The following ANKRD6 variants were observed in gnomAD, a reference collection of about 807,000 sequenced individuals.
The protein encoded by ANKRD6 is ankyrin repeat domain 6.
In ANKRD6, 56 loss-of-function variants were observed where a neutral mutation model predicts 82.3. That is an observed-to-expected ratio of 0.68 (90% CI 0.55 to 0.85). The LOEUF is 0.85. Among genes scored for constraint, ANKRD6 ranks in the 40% least tolerant of loss-of-function variants. ANKRD6 has a pLI of 0.00. For synonymous variants in ANKRD6, 347 were observed against 352.1 expected (o/e 0.99, Z 0.16); for missense variants, 852 against 907.6 (o/e 0.94, Z 0.79).
intron 1 of ANKRD6, among the ~76,000 whole-genome samples, chr6:89,539,166 G>A (rs950848310): frequency 6.6e-6 from 1 of 152,062 alleles, no homozygotes; most frequent in African/African-American, 2.4e-5. Flanking sequence ...AATTTAAGGT[G>A]AATTATGAAA....
intron 1 of ANKRD6, among the ~76,000 whole-genome samples, chr6:89,436,600 A>C (rs972285587): frequency 7.2e-5 from 11 of 152,234 alleles, no homozygotes; most frequent in Non-Finnish European, 8.8e-5. Flanking sequence ...TGTTTATATT[A>C]GGTACCTAGA....
At chr6:89,473,596 T>C (rs1374075259) in intron 1 of ANKRD6, among the ~76,000 whole-genome samples, 1 of 152,198 alleles carries the variant, frequency 6.6e-6, no homozygotes, top group Non-Finnish European at 1.5e-5. Flanking sequence ...TGTAAAGTAA[T>C]GTCTTATGTT....
At chr6:89,508,829 C>T (rs552634481) in intron 1 of ANKRD6, 1 of 152,274 alleles carries the variant, frequency 6.6e-6, no homozygotes, top group African/African-American at 2.4e-5. Context: ...AATTTGTATT[C>T]CTGTTCCTGA....
In ANKRD6 at chr6:89,629,301, C is replaced by G. The variant is rs753949917; in HGVS notation, c.1612+63C>G. The G allele has an allele frequency of 2.5e-6, 4 of 1,604,696 alleles. No homozygotes were observed. The South Asian group carries it at 4.4e-5, about 18-fold the overall frequency. ...ACACGACCAGCAGCTCTTGTACTCT[C>G]CTGCACTGAAAGGCAGTACGTATGC... On this transcript the variant is annotated intron_variant, in intron 15 of 15. Coordinates refer to ENST00000339746, the MANE Select transcript of ANKRD6 (RefSeq NM_001242809.2).
At chr6:89,574,943 C>CA in intron 2 of ANKRD6, among the ~76,000 whole-genome samples, 1 of 152,028 alleles carries the variant, frequency 6.6e-6, no homozygotes, top group Non-Finnish European at 1.5e-5. Flanking sequence ...AATGAGGACC[C>CA]AAAAATGCAG....
intron 2 of ANKRD6, among the ~76,000 whole-genome samples, chr6:89,584,282 A>G (rs1167902946): frequency 6.6e-6 from 1 of 152,214 alleles, no homozygotes; most frequent in Non-Finnish European, 1.5e-5. Context: ...GTGCTGTAAA[A>G]TGAAGAAGCC....
At chr6:89,513,321 C>T (rs549444084) in intron 1 of ANKRD6, among the ~76,000 whole-genome samples, 11 of 152,262 alleles carry the variant, frequency 7.2e-5, no homozygotes, top group African/African-American at 2.6e-4. Context: ...ACGTAACTAC[C>T]ACCCAAATCA....
chr6:89,537,896 A>AAAAAAAAAAAAAAAG, intron 1 of ANKRD6, among the ~76,000 whole-genome samples: 1 of 133,142 alleles, frequency 7.5e-6, no homozygotes, highest in African/African-American at 2.8e-5. Context: ...AAAAAAAAAA[A>AAAAAAAAAAAAAAAG]AAAAGAAAAG....
At chr6:89,464,877 A>G (rs1774645889) in intron 1 of ANKRD6, among the ~76,000 whole-genome samples, 1 of 152,156 alleles carries the variant, frequency 6.6e-6, no homozygotes, top group Non-Finnish European at 1.5e-5. Context: ...AGATTTCAAT[A>G]ATGCTATTTG....
intron 1 of ANKRD6, among the ~76,000 whole-genome samples, chr6:89,556,000 C>G (rs564378989): frequency 1.3e-5 from 2 of 152,258 alleles, no homozygotes; most frequent in East Asian, 3.9e-4. Context: ...GTCCCACTAG[C>G]CCCCTGTATG....
chr6:89,519,772 T>G (rs1781674413), intron 1 of ANKRD6, among the ~76,000 whole-genome samples: 1 of 152,248 alleles, frequency 6.6e-6, no homozygotes, highest in Non-Finnish European at 1.5e-5. Context: ...CTACACTGTT[T>G]CTTTACATGA....
intron 2 of ANKRD6, among the ~76,000 whole-genome samples, chr6:89,593,954 A>G (rs145011049): frequency 1.6e-4 from 24 of 152,362 alleles, no homozygotes; most frequent in Admixed American, 1.5e-3. Flanking sequence ...GGTCTTCTCT[A>G]TGACCCAGCA....
chr6:89,612,285 C>T lies in ANKRD6; in HGVS notation c.431C>T (p.Ala144Val). The stretch of plus-strand genomic sequence containing the variant: ...CCTCTCTCCAAGGCGGGGAACACAG[C>T]TCTGCACCTGGCCTGCCAGAACAGC... ...VLAKNKAGNT[A>V]LHLACQNSHS... Residue 144 changes from alanine (A) to valine (V), a missense_variant, in exon 6 of 16, where the codon GCT (alanine) becomes GTT (valine). Physicochemically the swap from Ala to Val is moderately conservative, Grantham distance 64. Coordinates refer to ENST00000339746, the MANE Select transcript of ANKRD6 (RefSeq NM_001242809.2). 6.4e-7 allele frequency: 1 copy of T among 1,559,142 alleles called. No homozygotes were observed. Among genetic ancestry groups the T allele is most frequent in the African/African-American group, 1.4e-5 (1 of 73,586 alleles).
At chr6:89,564,134 A>T (rs2128059123) in intron 1 of ANKRD6, among the ~76,000 whole-genome samples, 1 of 152,292 alleles carries the variant, frequency 6.6e-6, no homozygotes, top group South Asian at 2.1e-4. Flanking sequence ...TTGGCAACAG[A>T]CTAGGAATTG....
chr6:89,445,360 T>A (rs1771943486), intron 1 of ANKRD6, among the ~76,000 whole-genome samples: 1 of 136,716 alleles, frequency 7.3e-6, no homozygotes, highest in African/African-American at 2.7e-5. Context: ...AACCTCCACC[T>A]CCCAGGTTCA....
intron 2 of ANKRD6, among the ~76,000 whole-genome samples, chr6:89,582,934 A>G (rs1792896858): frequency 1.3e-5 from 2 of 152,208 alleles, no homozygotes; most frequent in South Asian, 2.1e-4. Flanking sequence ...GGGAGTTGCT[A>G]TTATCATGAA....
intron 1 of ANKRD6, among the ~76,000 whole-genome samples, chr6:89,545,422 A>C (rs1247196655): frequency 6.6e-6 from 1 of 151,672 alleles, no homozygotes; most frequent in Non-Finnish European, 1.5e-5. Context: ...TGTCAGAGAA[A>C]CTCTATCCCA....
chr6:89,573,178 TACC>T (rs2128094812), intron 2 of ANKRD6, among the ~76,000 whole-genome samples: 1 of 152,310 alleles, frequency 6.6e-6, no homozygotes, highest in South Asian at 2.1e-4. Flanking sequence ...GCCTCCCAAA[TACC>T]ACAATTTTAA....
At chr6:89,558,760 T>C (rs767187745) in intron 1 of ANKRD6, among the ~76,000 whole-genome samples, 1 of 147,168 alleles carries the variant, frequency 6.8e-6, no homozygotes, top group Non-Finnish European at 1.5e-5. Flanking sequence ...ACTCATCAAT[T>C]GTAACAAATG....
Sources: gnomAD v4.1 joint callset for allele counts (sites outside exome capture counted in the v4.1 genomes callset) on GRCh38, gnomAD v4.1.1 for gene constraint, MANE v1.5 for transcripts, NCBI Gene and HGNC (gene_info 2026-07-23, HGNC 2026-07-21) for gene names.